PCDHGA2: variants seen among roughly 807,000 people sequenced by gnomAD.
PCDHGA2 encodes protocadherin gamma-A2.
A neutral mutation model predicts 59.2 loss-of-function variants in PCDHGA2; 40 were observed. The ratio of observed to expected loss-of-function variants is 0.68; its 90% CI spans 0.52 to 0.88. PCDHGA2 has a LOEUF of 0.88. Among genes scored for constraint, PCDHGA2 ranks in the 40% least tolerant of loss-of-function variants. PCDHGA2 has a pLI of 0.00. For missense variants in PCDHGA2, 1,226 were observed against 1,204.0 expected (o/e 1.02, Z -0.27); for synonymous variants, 560 against 526.0 (o/e 1.06, Z -0.89).
intron 1 of PCDHGA2, among the ~76,000 whole-genome samples, chr5:141,454,628 A>C (rs1008375225): frequency 1.3e-4 from 19 of 151,334 alleles, no homozygotes; most frequent in African/African-American, 4.4e-4. Context: ...CTGGTCTCGA[A>C]CCCCCAACCT....
At chr5:141,379,767 A>G (rs1366813038) in intron 1 of PCDHGA2, 3 of 152,120 alleles carry the variant, frequency 2.0e-5, no homozygotes, top group Non-Finnish European at 4.4e-5. Context: ...CCTGCAATAC[A>G]GATCATTAAT....
At chr5:141,371,042 T>C in intron 1 of PCDHGA2, 1 of 1,613,964 alleles carries the variant, frequency 6.2e-7, no homozygotes, top group Non-Finnish European at 8.5e-7. Flanking sequence ...CAGCTGTGGA[T>C]GGGGGCGAGC....
At chr5:141,414,064 C>T in intron 1 of PCDHGA2, 1 of 1,607,864 alleles carries the variant, frequency 6.2e-7, no homozygotes, top group Non-Finnish European at 8.5e-7. Context: ...GTTGAAGTTC[C>T]AACTAAACAA....
At chr5:141,393,569 T>C (rs1227543853) in intron 1 of PCDHGA2, 1 of 1,613,918 alleles carries the variant, frequency 6.2e-7, no homozygotes, top group South Asian at 1.1e-5. Context: ...TGAAAGTCCT[T>C]GAGAACATGC....
intron 2 of PCDHGA2, among the ~76,000 whole-genome samples, chr5:141,503,458 G>A (rs948221006): frequency 2.0e-5 from 3 of 152,018 alleles, no homozygotes; most frequent in Non-Finnish European, 4.4e-5. Flanking sequence ...CGCTGGGCAT[G>A]GTGGCATGTG....
intron 1 of PCDHGA2, among the ~76,000 whole-genome samples, chr5:141,457,440 A>C (rs188608086): frequency 1.3e-5 from 2 of 152,334 alleles, no homozygotes; most frequent in African/African-American, 4.8e-5. Flanking sequence ...ACCAAGCTGC[A>C]GAAGATCACC....
rs1231167998 is a variant in PCDHGA2, at chr5:141,399,197, T to C, written c.2424+57802T>C. 1.9e-6 allele frequency: 3 copies of C among 1,613,808 alleles called. No individual in the cohort carries two copies. In the African/African-American group the frequency reaches 4.0e-5, roughly 22 times the overall value. On this transcript the variant is annotated intron_variant, in intron 1 of 3. Transcript: ENST00000394576. ...CTTGAAATGATTCTGGAAAACGCGGTGCCTGGAACACTAATTGCTTTGATC... is the reference window on the plus strand; with the variant it reads ...CTTGAAATGATTCTGGAAAACGCGGCGCCTGGAACACTAATTGCTTTGATC...
At chr5:141,342,360 A>G (rs1035676543) in intron 1 of PCDHGA2, 1 of 152,076 alleles carries the variant, frequency 6.6e-6, no homozygotes, top group Non-Finnish European at 1.5e-5. Flanking sequence ...TCCTCTTCCT[A>G]TATTGGCTTT....
In PCDHGA2 at chr5:141,339,601, C is replaced by T. The variant is rs753439880; in HGVS notation, c.630C>T (p.Leu210=). The change falls in exon 1 of 4, where the codon CTC becomes CTT. Residue 210 remains leucine, a synonymous_variant. Coordinates refer to ENST00000394576, the MANE Select transcript of PCDHGA2 (RefSeq NM_018915.4). The part of the protein sequence containing the change: ...LDREEEAVHH[L]VLVASDGGDP... ...GCGAGGAAGAGGCTGTTCACCACCT[C>T]GTTCTCGTGGCTTCTGATGGGGGTG... 6.2e-6 allele frequency: 10 copies of T among 1,614,100 alleles called. No homozygotes were observed. Among genetic ancestry groups the T allele is most frequent in the African/African-American group, 1.3e-5 (1 of 74,952 alleles).
rs1386791249 is a variant in PCDHGA2 at position 141,511,417 on chromosome 5, G to A, written c.*244G>A. 1.2e-6 allele frequency: 1 copy of A among 835,942 alleles called. No homozygotes were observed. Among genetic ancestry groups the A allele is most frequent in the African/African-American group, 1.7e-5 (1 of 58,154 alleles). The allele number at this position is 835,942 out of a possible 1,614,324, so 51.8% of individuals were successfully genotyped here. A position where few individuals can be genotyped will look rare whatever the true frequency, so the allele number is the denominator to read the frequency against. The stretch of plus-strand genomic sequence containing the variant: ...CCATCCAATCAACTGCTGTACCCAT[G>A]GGGGTAGTGGGGTTACTGTAGACAC... On this transcript the variant is annotated 3_prime_UTR_variant, in exon 4 of 4. Transcript: ENST00000394576.
chr5:141,345,707 C>T (rs200612120), intron 1 of PCDHGA2: 356 of 1,614,116 alleles, frequency 2.2e-4, no homozygotes, highest in Non-Finnish European at 2.9e-4. Context: ...AGAACGACAA[C>T]GCGCCCGAGA....
chr5:141,374,893 TGAA>T, intron 1 of PCDHGA2: 1 of 1,613,834 alleles, frequency 6.2e-7, no homozygotes, highest in Non-Finnish European at 8.5e-7. Context: ...CCGACCAGGA[TGAA>T]GGAGTCCACG....
intron 1 of PCDHGA2, chr5:141,393,863 G>A: frequency 6.2e-7 from 1 of 1,613,968 alleles, no homozygotes; most frequent in Non-Finnish European, 8.5e-7. Context: ...TGATCATTAC[G>A]TCTTTGTTTA....
intron 1 of PCDHGA2, chr5:141,375,937 A>G (rs777064247): frequency 1.5e-5 from 24 of 1,613,516 alleles, no homozygotes; most frequent in African/African-American, 6.7e-5. Flanking sequence ...GACTTTTCTC[A>G]GTGGGCCTGC....
Position 141,432,670 on chromosome 5 carries a change from G to A in PCDHGA2, c.2425-62137G>A, listed in dbSNP as rs749221752. ...CGCGAGCCCTGCTGGACAGAGACGC[G>A]CTCAAGCAGAGCCTCGTAGTGGCCG... On this transcript the variant is annotated intron_variant, in intron 1 of 3. Coordinates refer to ENST00000394576, the MANE Select transcript of PCDHGA2 (RefSeq NM_018915.4). The surrounding 1 kb of genome is among the most constrained non-coding windows in gnomAD (Gnocchi z 6.0). The A allele has an allele frequency of 6.8e-6, 11 of 1,613,748 alleles. No individual in the cohort carries two copies. The East Asian group carries it at 1.8e-4, about 26-fold the overall frequency.
In PCDHGA2 at chr5:141,432,545, A is replaced by G; in HGVS notation, c.2425-62262A>G. Reference sequence around the variant, plus strand: ...GGTGACCAAGGTGGTGGCGGTGGACAGAGACTCCGGCCAGAACGCCTGGCT... The same window carrying G: ...GGTGACCAAGGTGGTGGCGGTGGACGGAGACTCCGGCCAGAACGCCTGGCT... On this transcript the variant is annotated intron_variant, in intron 1 of 3. Coordinates refer to ENST00000394576, the MANE Select transcript of PCDHGA2 (RefSeq NM_018915.4). This position sits in a 1 kb window ranked among gnomAD's most constrained non-coding sequence, Gnocchi z 6.0. The G allele has an allele frequency of 1.2e-6, 2 of 1,613,876 alleles. No homozygotes were observed. Among genetic ancestry groups the G allele is most frequent in the Non-Finnish European group, 1.7e-6 (2 of 1,179,984 alleles).
At chr5:141,484,916 CCTG>C (rs34524370) in intron 1 of PCDHGA2, 64,782 of 456,708 alleles carry the variant, frequency 0.14, 4,878 homozygotes, top group African/African-American at 0.18. Context: ...ACGCATTAAC[CCTG>C]CTGCTGTTGG....
chr5:141,350,471 T>G (rs1758484390), intron 1 of PCDHGA2: 1 of 1,613,842 alleles, frequency 6.2e-7, no homozygotes, highest in African/African-American at 1.3e-5. Flanking sequence ...TGCAGAGGAT[T>G]ATTTCAACGT....
At chr5:141,365,911 C>T (rs769865478) in intron 1 of PCDHGA2, 33 of 1,614,102 alleles carry the variant, frequency 2.0e-5, no homozygotes, top group African/African-American at 2.7e-5. Context: ...AGTTGAGAGA[C>T]CTACAGTTGT....
Sources: allele counts gnomAD v4.1 joint callset (sites outside exome capture counted in the v4.1 genomes callset), GRCh38; gene constraint gnomAD v4.1.1; non-coding constraint Gnocchi (gnomAD v3.1); transcripts MANE v1.5; gene names NCBI Gene and HGNC (gene_info 2026-07-23, HGNC 2026-07-21).